FOXP2: variants seen among roughly 807,000 people sequenced by gnomAD.
The protein encoded by FOXP2 is forkhead box P2.
In FOXP2, 12 loss-of-function variants were observed where a neutral mutation model predicts 115.8. That is an observed-to-expected ratio of 0.10 (90% CI 0.07 to 0.17). The LOEUF is 0.17. FOXP2 is among the 10% of genes least tolerant of loss of function. The pLI is 1.00. For missense variants in FOXP2, 629 were observed against 843.5 expected, an observed-to-expected ratio of 0.75 and a Z score of 3.15; for synonymous variants, 328 against 297.7, an observed-to-expected ratio of 1.10 and a Z score of -1.05.
intron 1 of FOXP2, among the ~76,000 whole-genome samples, chr7:114,126,842 T>TTC (rs369968047): frequency 6.6e-6 from 1 of 152,148 alleles, no homozygotes; most frequent in African/African-American, 2.4e-5. Flanking sequence ...ATTCTCCCAA[T>TTC]TCTCTCTCTC....
intron 2 of FOXP2, among the ~76,000 whole-genome samples, chr7:114,341,990 T>C (rs1442848793): frequency 6.6e-6 from 1 of 151,382 alleles, no homozygotes; most frequent in African/African-American, 2.4e-5. Context: ...CAACCTTCTT[T>C]ATGCCTCATT....
intron 2 of FOXP2, among the ~76,000 whole-genome samples, chr7:114,326,030 G>A (rs769419814): frequency 6.6e-6 from 1 of 152,056 alleles, no homozygotes; most frequent in Non-Finnish European, 1.5e-5. Flanking sequence ...TAACTCCAAC[G>A]TGAAGTTCAG....
At chr7:114,118,829 G>T (rs1791480407) in intron 1 of FOXP2, among the ~76,000 whole-genome samples, 1 of 152,076 alleles carries the variant, frequency 6.6e-6, no homozygotes, top group Non-Finnish European at 1.5e-5. Flanking sequence ...CTAGGGGAAG[G>T]CAGAGAAAGA....
intron 2 of FOXP2, among the ~76,000 whole-genome samples, chr7:114,400,776 A>C (rs928722120): frequency 1.3e-5 from 2 of 152,064 alleles, no homozygotes; most frequent in Non-Finnish European, 2.9e-5. Context: ...ACCTCCTGCT[A>C]TGTGGCCCAG....
chr7:114,655,560 A>G (rs937585328), intron 10 of FOXP2, among the ~76,000 whole-genome samples: 2 of 152,160 alleles, frequency 1.3e-5, no homozygotes, highest in African/African-American at 4.8e-5. Context: ...TTGGCCTCAG[A>G]TCGGTTTGAA....
intron 2 of FOXP2, among the ~76,000 whole-genome samples, chr7:114,516,303 A>C (rs1295904080): frequency 1.3e-5 from 2 of 152,200 alleles, no homozygotes; most frequent in Non-Finnish European, 2.9e-5. Flanking sequence ...AAAACAAGCA[A>C]TGGGGAAAGG....
At chr7:114,546,677 A>G (rs567919158) in intron 3 of FOXP2, among the ~76,000 whole-genome samples, 1 of 150,056 alleles carries the variant, frequency 6.7e-6, no homozygotes, top group Admixed American at 6.6e-5. Context: ...CATCAAAAAG[A>G]AAAAAAAAAT....
intron 2 of FOXP2, among the ~76,000 whole-genome samples, chr7:114,522,550 G>A (rs1378558439): frequency 1.3e-5 from 2 of 152,030 alleles, no homozygotes; most frequent in Admixed American, 1.3e-4. Context: ...CAATCATATT[G>A]TAGATAATTC....
intron 3 of FOXP2, among the ~76,000 whole-genome samples, chr7:114,590,269 A>G (rs1802378072): frequency 6.6e-6 from 1 of 152,200 alleles, no homozygotes; most frequent in African/African-American, 2.4e-5. Context: ...TATTAAAAAT[A>G]TAACCCAAAG....
At position 114,528,828 on chromosome 7, in the gene FOXP2, A is replaced by AT. The variant is rs746821259; in HGVS notation, c.169-5786dup. Among the ~76,000 whole-genome samples the AT allele has an allele frequency of 7.2e-5, 11 of 152,088 alleles. 1 individual carries two copies. Among genetic ancestry groups the AT allele is most frequent in the Admixed American group, 3.9e-4 (6 of 15,254 alleles). ...AAAACAAAAAGTAAATCTAAAATCT[A>AT]TTTGGGAAAATAATAAAATGTTTTA... On this transcript the variant is annotated intron_variant, in intron 2 of 16. Transcript: ENST00000350908.
chr7:114,489,085 A>G (rs1027263214), intron 2 of FOXP2, among the ~76,000 whole-genome samples: 1 of 152,174 alleles, frequency 6.6e-6, no homozygotes, highest in African/African-American at 2.4e-5. Context: ...TTTCTAAGTG[A>G]TAATCGATCT....
chr7:114,393,135 A>G (rs1412650506), intron 2 of FOXP2, among the ~76,000 whole-genome samples: 1 of 152,088 alleles, frequency 6.6e-6, no homozygotes, highest in African/African-American at 2.4e-5. Flanking sequence ...GTGATGTGCA[A>G]TTCAATTGTT....
chr7:114,092,491 A>T (rs987685296), intron 1 of FOXP2, among the ~76,000 whole-genome samples: 2 of 151,920 alleles, frequency 1.3e-5, no homozygotes, highest in Non-Finnish European at 2.9e-5. Context: ...TACACACCCA[A>T]CGATAGCCAT....
intron 1 of FOXP2, among the ~76,000 whole-genome samples, chr7:114,266,384 G>T (rs1009329605): frequency 2.6e-5 from 4 of 152,156 alleles, no homozygotes; most frequent in African/African-American, 9.7e-5. Flanking sequence ...TTGGCTTATT[G>T]TTCTGCAGAC....
At position 114,424,398 on chromosome 7, in the gene FOXP2, A is replaced by G. The variant is rs548456757; in HGVS notation, c.-10-2104A>G. ...TTTCAAATAACTTAGGTGATGAAAT[A>G]AAAACATACACATATATACACATAT... On this transcript the variant is annotated intron_variant, in intron 1 of 16. Transcript: ENST00000350908. 5.3e-5 allele frequency among the ~76,000 whole-genome samples: 8 copies of G among 151,680 alleles called. No individual in the cohort carries two copies. In the South Asian group the frequency reaches 1.2e-3, roughly 24 times the overall value.
chr7:114,600,381 C>G (rs1286412929), intron 3 of FOXP2, among the ~76,000 whole-genome samples: 2 of 151,976 alleles, frequency 1.3e-5, no homozygotes, highest in African/African-American at 4.8e-5. Flanking sequence ...AATGATAATC[C>G]CATTATGTGG....
chr7:114,573,800 C>T (rs1342530144), intron 3 of FOXP2, among the ~76,000 whole-genome samples: 1 of 151,600 alleles, frequency 6.6e-6, no homozygotes, highest in Non-Finnish European at 1.5e-5. Flanking sequence ...CCAAAAATTG[C>T]AGGGAGAGAA....
intron 2 of FOXP2, among the ~76,000 whole-genome samples, chr7:114,521,575 AATG>A (rs1280092681): frequency 1.3e-5 from 2 of 151,368 alleles, no homozygotes; most frequent in Non-Finnish European, 2.9e-5. Context: ...CCGTTTAGAG[AATG>A]ATTTCTTTTT....
intron 3 of FOXP2, among the ~76,000 whole-genome samples, chr7:114,591,694 T>G (rs1802444770): frequency 1.3e-5 from 2 of 152,086 alleles, no homozygotes; most frequent in African/African-American, 4.8e-5. Flanking sequence ...CCAGTCTGAT[T>G]TACCACACTG....
Sources: gnomAD v4.1 joint callset for allele counts (sites outside exome capture counted in the v4.1 genomes callset) on GRCh38, gnomAD v4.1.1 for gene constraint, MANE v1.5 for transcripts, NCBI Gene and HGNC (gene_info 2026-07-23, HGNC 2026-07-21) for gene names.